The following SORCS3 variants were observed in gnomAD, a reference collection of about 807,000 sequenced individuals.
SORCS3 encodes VPS10 domain-containing receptor SorCS3.
A neutral mutation model predicts 146.3 loss-of-function variants in SORCS3; 57 were observed. The ratio of observed to expected loss-of-function variants is 0.39; its 90% CI spans 0.31 to 0.49. SORCS3 has a LOEUF of 0.49. SORCS3 is among the 20% of genes least tolerant of loss of function. The pLI, the probability that SORCS3 is intolerant of heterozygous loss-of-function variation, is 0.92. For synonymous variants in SORCS3, 653 were observed against 618.5 expected, an observed-to-expected ratio of 1.06 and a Z score of -0.83; for missense variants, 1,341 against 1,575.5, an observed-to-expected ratio of 0.85 and a Z score of 2.52.
At chr10:104,675,652 T>C (rs1252369743) in intron 1 of SORCS3, among the ~76,000 whole-genome samples, 2 of 152,228 alleles carry the variant, frequency 1.3e-5, no homozygotes, top group African/African-American at 4.8e-5. Context: ...AAGATGTCTT[T>C]GTTGCAAATC....
In SORCS3 at chr10:105,147,775, C is replaced by T. The variant is rs769584593; in HGVS notation, c.1461C>T (p.Asn487=). The change falls in exon 9 of 27, where the codon AAC becomes AAT. Residue 487 remains asparagine, a synonymous_variant. Coordinates refer to ENST00000369701, the MANE Select transcript of SORCS3 (RefSeq NM_014978.3). ...NIKSSRGLMG[N]IIIELYEVAG... is the part of the protein sequence containing the mutation. ...AGAGCAGCAGAGGTCTAATGGGGAA[C>T]ATCATTATTGAATTGTATGAGGTAT... The T allele has an allele frequency of 6.2e-6, 10 of 1,612,072 alleles. No individual in the cohort carries two copies. The African/African-American group carries it at 1.1e-4, about 17-fold the overall frequency.
At chr10:104,880,613 C>T (rs2018620642) in intron 2 of SORCS3, among the ~76,000 whole-genome samples, 1 of 83,460 alleles carries the variant, frequency 1.2e-5, no homozygotes, top group African/African-American at 5.6e-5. Flanking sequence ...AACATCTTAT[C>T]CCGTAGGTTG....
In SORCS3 at chr10:105,230,862, G is replaced by C. The variant is rs141573330; in HGVS notation, c.2868+7613G>C. On this transcript the variant is annotated intron_variant, in intron 20 of 26. Coordinates refer to ENST00000369701, the MANE Select transcript of SORCS3 (RefSeq NM_014978.3). ...ACCTTGCTGCAGCTGCTTTGGACTT[G>C]GGATGTGTGGAACTCAGTGTGAGCT... Among the ~76,000 whole-genome samples, 33 of 152,292 alleles carry C rather than the reference G, an allele frequency of 2.2e-4. No individual in the cohort carries two copies. In the East Asian group the frequency reaches 6.4e-3, roughly 29 times the overall value.
chr10:105,135,001 A>C (rs543185529), intron 7 of SORCS3, among the ~76,000 whole-genome samples: 1 of 152,114 alleles, frequency 6.6e-6, no homozygotes, highest in Admixed American at 6.6e-5. Flanking sequence ...GAGGTATGGG[A>C]CAGTCATTCC....
At chr10:104,686,617 C>T (rs1375732679) in intron 1 of SORCS3, among the ~76,000 whole-genome samples, 4 of 152,036 alleles carry the variant, frequency 2.6e-5, no homozygotes, top group Admixed American at 2.0e-4. Flanking sequence ...CACAAGTCTT[C>T]TCTCTCCCCC....
At chr10:104,794,472 AGT>A (rs1447878162) in intron 1 of SORCS3, among the ~76,000 whole-genome samples, 3 of 152,110 alleles carry the variant, frequency 2.0e-5, no homozygotes, top group South Asian at 4.2e-4. Context: ...TGGAGCAGAG[AGT>A]GTTTCAGGAT....
intron 3 of SORCS3, among the ~76,000 whole-genome samples, chr10:104,967,942 G>A (rs146713206): frequency 0.012 from 1,805 of 152,032 alleles, 33 homozygotes; most frequent in African/African-American, 0.04. Context: ...TTACTAGTGT[G>A]AGCCACCATA....
chr10:104,942,805 A>G (rs1375133937), intron 3 of SORCS3, among the ~76,000 whole-genome samples: 1 of 152,236 alleles, frequency 6.6e-6, no homozygotes, highest in Non-Finnish European at 1.5e-5. Flanking sequence ...TGTAGTTTTT[A>G]AGAAGCCAAA....
chr10:105,153,645 ATGTGTGTGTG>A (rs372134420), intron 9 of SORCS3, among the ~76,000 whole-genome samples: 11 of 146,308 alleles, frequency 7.5e-5, no homozygotes, highest in Admixed American at 4.7e-4. Flanking sequence ...GTGTGTGTGT[ATGTGTGTGTG>A]TGTGTGTGTG....
chr10:105,117,361 C>A (rs1032311304), intron 7 of SORCS3, among the ~76,000 whole-genome samples: 3 of 152,168 alleles, frequency 2.0e-5, no homozygotes, highest in African/African-American at 7.2e-5. Context: ...TCAAATATTT[C>A]TTGGATCCCT....
Position 104,707,329 on chromosome 10 carries a change from T to C in SORCS3, c.627+65375T>C, listed in dbSNP as rs912408586. Among the ~76,000 whole-genome samples, 4 of 152,222 alleles carry C rather than the reference T, an allele frequency of 2.6e-5. No homozygotes were observed. The East Asian group carries it at 7.7e-4, about 29-fold the overall frequency. On this transcript the variant is annotated intron_variant, in intron 1 of 26. Coordinates refer to ENST00000369701, the MANE Select transcript of SORCS3 (RefSeq NM_014978.3). ...GATTTTATATGTAAAGTAATATACA[T>C]AGTGTCAGCCATTCAGTAAGATACT...
At chr10:104,801,754 C>T (rs560622453) in intron 1 of SORCS3, among the ~76,000 whole-genome samples, 5 of 152,332 alleles carry the variant, frequency 3.3e-5, no homozygotes, top group African/African-American at 1.2e-4. Context: ...GCATTTAATT[C>T]TTACACCAAA....
At chr10:105,202,917 T>C (rs2056582856) in intron 16 of SORCS3, among the ~76,000 whole-genome samples, 1 of 152,164 alleles carries the variant, frequency 6.6e-6, no homozygotes, top group African/African-American at 2.4e-5. Context: ...GGCATTGGCC[T>C]CTAAACTTGG....
chr10:105,223,368 C>A lies in SORCS3; in HGVS notation c.2868+119C>A, dbSNP rs1412635578. On this transcript the variant is annotated intron_variant, in intron 20 of 26. Coordinates refer to ENST00000369701, the MANE Select transcript of SORCS3 (RefSeq NM_014978.3). ...AGGCAATAAGAGGTACTTAATAAACCTATGAGCCCACAAAATTGAATAAAA... is the reference window on the plus strand; with the variant it reads ...AGGCAATAAGAGGTACTTAATAAACATATGAGCCCACAAAATTGAATAAAA... The A allele has an allele frequency of 3.1e-5, 31 of 1,000,056 alleles. No individual in the cohort carries two copies. The Admixed American group carries it at 8.6e-4, about 28-fold the overall frequency. The allele number at this position is 1,000,056 out of a possible 1,614,324, so 61.9% of individuals were successfully genotyped here.
chr10:104,773,511 T>G (rs542020561), intron 1 of SORCS3, among the ~76,000 whole-genome samples: 1 of 152,374 alleles, frequency 6.6e-6, no homozygotes, highest in East Asian at 1.9e-4. Flanking sequence ...TCTTCTATTT[T>G]TCCTTTCAGT....
In SORCS3 at chr10:105,262,455, G is replaced by T; in HGVS notation, c.3568G>T (p.Glu1190Ter). 6.2e-7 allele frequency: 1 copy of T among 1,613,964 alleles called. No individual in the cohort carries two copies. The highest frequency in any genetic ancestry group is 1.1e-5 in the South Asian group (1 of 91,070). Reference protein sequence around the residue: ...ITLSDFTEPEELLDKELDTRV... With the variant: ...ITLSDFTEPE ...ACTCAGTGACTTTACGGAGCCTGAG[G>T]AGCTGCTGGACAAAGAGCTGGACAC... The change falls in exon 26 of 27, where the codon GAG (glutamate) becomes TAG (stop). Residue 1190 changes from glutamate (E) to a stop codon, truncating the protein, a stop_gained. Coordinates refer to ENST00000369701, the MANE Select transcript of SORCS3 (RefSeq NM_014978.3). LOFTEE classifies it high-confidence loss of function.
rs142875834 is a variant in SORCS3 at position 105,199,724 on chromosome 10, C to A, written c.2010-275C>A. ...GTCCCAATTTTTTTTCTTTACTGGG[C>A]TTTTTATATTTTAAATGCTTCCTGT... On this transcript the variant is annotated intron_variant, in intron 14 of 26. Transcript: ENST00000369701. 8.3e-4 allele frequency among the ~76,000 whole-genome samples: 126 copies of A among 152,102 alleles called. 1 individual carries two copies. The highest frequency in any genetic ancestry group is 2.9e-3 in the African/African-American group (121 of 41,496).
intron 1 of SORCS3, among the ~76,000 whole-genome samples, chr10:104,684,498 A>G (rs1203738072): frequency 6.6e-6 from 1 of 152,182 alleles, no homozygotes; most frequent in Non-Finnish European, 1.5e-5. Context: ...CACCCCTGGG[A>G]CACAGATGTA....
At chr10:104,832,709 A>T (rs1187033128) in intron 1 of SORCS3, among the ~76,000 whole-genome samples, 1 of 147,726 alleles carries the variant, frequency 6.8e-6, no homozygotes, top group Non-Finnish European at 1.5e-5. Flanking sequence ...CGAGAGTGAA[A>T]CTCCATCTCA....
Sources: gnomAD v4.1 joint callset for allele counts (sites outside exome capture counted in the v4.1 genomes callset) on GRCh38, gnomAD v4.1.1 for gene constraint, MANE v1.5 for transcripts, NCBI Gene and HGNC (gene_info 2026-07-23, HGNC 2026-07-21) for gene names.